The following INPP5A variants were observed in gnomAD, a reference collection of about 807,000 sequenced individuals.
INPP5A encodes the protein inositol polyphosphate-5-phosphatase A.
Under a neutral mutation model 65.2 loss-of-function variants are expected in INPP5A, and 14 were observed. The ratio of observed to expected loss-of-function variants is 0.21; its 90% CI spans 0.14 to 0.34. INPP5A has a LOEUF of 0.34. INPP5A is among the 10% of genes least tolerant of loss of function. The pLI is 1.00. For missense variants in INPP5A, 431 were observed against 545.6 expected, an observed-to-expected ratio of 0.79 and a Z score of 2.09; for synonymous variants, 207 against 208.3, an observed-to-expected ratio of 0.99 and a Z score of 0.05.
rs749855094 is a variant in INPP5A at position 132,780,864 on chromosome 10, A to G, written c.1105A>G (p.Lys369Glu). 5 of 1,613,250 alleles carry G rather than the reference A, an allele frequency of 3.1e-6. No individual in the cohort carries two copies. In the South Asian group the frequency reaches 5.5e-5, roughly 18 times the overall value. ...ELVLRSESEE[K>E]VVTYDHIGPN... The stretch of plus-strand genomic sequence containing the variant: ...CCCTTTCCAGTCGGAGAGCGAGGAG[A>G]AGGTTGTCACCTATGACCACATTGG... Residue 369 changes from lysine (K) to glutamate (E), a missense_variant, in exon 14 of 16, where the codon AAG becomes GAG. Lys to Glu is a moderately conservative substitution (Grantham distance 56, BLOSUM62 1). Coordinates refer to ENST00000368594, the MANE Select transcript of INPP5A (RefSeq NM_005539.5).
chr10:132,730,479 G>A (rs539200431), intron 9 of INPP5A, among the ~76,000 whole-genome samples: 22 of 152,374 alleles, frequency 1.4e-4, no homozygotes, highest in African/African-American at 3.8e-4. Flanking sequence ...CAGGCTCCTC[G>A]GCCGCTCTGC....
chr10:132,574,427 G>T (rs1473573711), intron 1 of INPP5A, among the ~76,000 whole-genome samples: 1 of 149,268 alleles, frequency 6.7e-6, no homozygotes, highest in African/African-American at 2.5e-5. Flanking sequence ...AGATGTTGGG[G>T]TGTGTGTGCC....
At chr10:132,681,537 G>C (rs1263797228) in intron 4 of INPP5A, among the ~76,000 whole-genome samples, 1 of 152,212 alleles carries the variant, frequency 6.6e-6, no homozygotes, top group Non-Finnish European at 1.5e-5. Context: ...GCGAGGGTCC[G>C]CGGCTTCATT....
chr10:132,641,858 T>TG (rs2072430797), intron 2 of INPP5A, among the ~76,000 whole-genome samples: 1 of 152,240 alleles, frequency 6.6e-6, no homozygotes, highest in Non-Finnish European at 1.5e-5. Flanking sequence ...TGCAGATGTG[T>TG]GGGAACCCCG....
At chr10:132,626,738 C>T (rs764289174) in intron 2 of INPP5A, among the ~76,000 whole-genome samples, 4 of 152,206 alleles carry the variant, frequency 2.6e-5, no homozygotes, top group Non-Finnish European at 5.9e-5. Context: ...CACACGTTAG[C>T]AGTCTGCTGT....
chr10:132,591,949 G>A (rs903765212), intron 1 of INPP5A, among the ~76,000 whole-genome samples: 1 of 152,210 alleles, frequency 6.6e-6, no homozygotes, highest in African/African-American at 2.4e-5. Context: ...TCTGGGATGA[G>A]GTGTCAGCGT....
At chr10:132,540,750 C>A (rs1219684733) in intron 1 of INPP5A, among the ~76,000 whole-genome samples, 1 of 152,248 alleles carries the variant, frequency 6.6e-6, no homozygotes, top group African/African-American at 2.4e-5. Context: ...ACGAACGCAC[C>A]CTGCAGGCAG....
At chr10:132,568,064 G>A (rs2071293483) in intron 1 of INPP5A, among the ~76,000 whole-genome samples, 1 of 151,898 alleles carries the variant, frequency 6.6e-6, no homozygotes, top group African/African-American at 2.4e-5. Context: ...GGTGGTGCGT[G>A]CCTGTAGTCC....
At chr10:132,758,244 C>T in intron 11 of INPP5A, among the ~76,000 whole-genome samples, 1 of 131,654 alleles carries the variant, frequency 7.6e-6, no homozygotes, top group Admixed American at 7.6e-5. Flanking sequence ...CCTGGCTGAC[C>T]CCACAGCCCG....
chr10:132,678,911 T>G lies in INPP5A; in HGVS notation c.307-11481T>G, dbSNP rs2073006274. 6.6e-6 allele frequency among the ~76,000 whole-genome samples: 1 copy of G among 152,014 alleles called. No individual in the cohort carries two copies. Among genetic ancestry groups the G allele is most frequent in the South Asian group, 2.1e-4 (1 of 4,822 alleles). ...GCTGGAAAAGGGGAGGCAGCAGAGG[T>G]ACCCTCCTGACAGAAGGGCGCAGCC... On this transcript the variant is annotated intron_variant, in intron 4 of 15. Transcript: ENST00000368594. The surrounding 1 kb of genome is among the most constrained non-coding windows in gnomAD (Gnocchi z 4.1).
intron 13 of INPP5A, among the ~76,000 whole-genome samples, chr10:132,780,524 C>T (rs1847141954): frequency 6.6e-6 from 1 of 152,270 alleles, no homozygotes; most frequent in South Asian, 2.1e-4. Flanking sequence ...AGCCCAGGAG[C>T]ATGTCCGGGA....
At chr10:132,685,904 C>T (rs1406914771) in intron 4 of INPP5A, among the ~76,000 whole-genome samples, 4 of 152,240 alleles carry the variant, frequency 2.6e-5, no homozygotes, top group African/African-American at 4.8e-5. Context: ...ATCACATTAC[C>T]GGACTCCAAT....
rs12414485 is a variant in INPP5A at position 132,704,816 on chromosome 10, G to A, written c.475-3497G>A. ...ATGGAGGAAGGGCGTCTGGACAGGC[G>A]GCAGGCAGCTCCTCTGGAGTGTGGA... On this transcript the variant is annotated intron_variant, in intron 6 of 15. Transcript: ENST00000368594. The surrounding 1 kb of genome is among the most constrained non-coding windows in gnomAD (Gnocchi z 4.5). Among the ~76,000 whole-genome samples the A allele has an allele frequency of 5.3e-5, 8 of 150,308 alleles. No individual in the cohort carries two copies. The East Asian group carries it at 7.9e-4, about 15-fold the overall frequency.
chr10:132,633,023 G>C (rs2072295299), intron 2 of INPP5A, among the ~76,000 whole-genome samples: 1 of 152,206 alleles, frequency 6.6e-6, no homozygotes, highest in East Asian at 1.9e-4. Flanking sequence ...TGGGGAGTTG[G>C]GGGGCTGGTT....
At chr10:132,735,484 G>A (rs1590968990) in intron 9 of INPP5A, among the ~76,000 whole-genome samples, 1 of 152,234 alleles carries the variant, frequency 6.6e-6, no homozygotes, top group Admixed American at 6.5e-5. Context: ...GCCCTGGGGC[G>A]GTGTTGGTAC....
chr10:132,659,749 C>A lies in INPP5A; in HGVS notation c.306+9244C>A, dbSNP rs746299068. ...TGCCTGGCACTCACCAGGGCCTCCT[C>A]CCCAGCACTGTCCCGAGTCAGGTCT... is the stretch of plus-strand genomic sequence containing the variant. On this transcript the variant is annotated intron_variant, in intron 4 of 15. Coordinates refer to ENST00000368594, the MANE Select transcript of INPP5A (RefSeq NM_005539.5). The surrounding 1 kb of genome is among the most constrained non-coding windows in gnomAD (Gnocchi z 5.5). Among the ~76,000 whole-genome samples, 3 of 152,238 alleles carry A rather than the reference C, an allele frequency of 2.0e-5. No individual in the cohort carries two copies. The highest frequency in any genetic ancestry group is 4.4e-5 in the Non-Finnish European group (3 of 68,042).
At chr10:132,604,865 A>G (rs2071825944) in intron 1 of INPP5A, among the ~76,000 whole-genome samples, 1 of 152,188 alleles carries the variant, frequency 6.6e-6, no homozygotes, top group African/African-American at 2.4e-5. Flanking sequence ...GAGAGAGTGC[A>G]AAGGCCCTGG....
intron 8 of INPP5A, among the ~76,000 whole-genome samples, chr10:132,718,489 T>TGG (rs1845788537): frequency 6.7e-6 from 1 of 150,072 alleles, no homozygotes; most frequent in Non-Finnish European, 1.5e-5. Context: ...GGGTTCTCTC[T>TGG]GGGCGCCTTA....
In INPP5A at chr10:132,650,373, G is replaced by C; in HGVS notation, c.219-45G>C. 3 of 1,336,624 alleles carry C rather than the reference G, an allele frequency of 2.2e-6. No homozygotes were observed. The highest frequency in any genetic ancestry group is 2.3e-5 in the East Asian group (1 of 43,546). The allele number at this position is 1,336,624 out of a possible 1,614,324, so 82.8% of individuals were successfully genotyped here. On this transcript the variant is annotated intron_variant, in intron 3 of 15. Coordinates refer to ENST00000368594, the MANE Select transcript of INPP5A (RefSeq NM_005539.5). The surrounding 1 kb of genome is among the most constrained non-coding windows in gnomAD (Gnocchi z 5.5). ...TTGTGGTCATCTCATGAGGTGCAAG[G>C]CGTCTGTGTGGCTTTTCCTCAGGAA... is the stretch of plus-strand genomic sequence containing the variant.
Sources: gnomAD v4.1 joint callset for allele counts (sites outside exome capture counted in the v4.1 genomes callset) on GRCh38, gnomAD v4.1.1 for gene constraint, Gnocchi (gnomAD v3.1) non-coding constraint, MANE v1.5 for transcripts, NCBI Gene and HGNC (gene_info 2026-07-23, HGNC 2026-07-21) for gene names.